POLR2F: variants seen among roughly 807,000 people sequenced by gnomAD.
POLR2F encodes DNA-directed RNA polymerases I, II, and III subunit RPABC2.
In POLR2F, 12 loss-of-function variants were observed where a neutral mutation model predicts 22.7. The ratio of observed to expected loss-of-function variants is 0.53; its 90% CI spans 0.34 to 0.86. POLR2F has a LOEUF of 0.86. Among genes scored for constraint, POLR2F ranks in the 40% least tolerant of loss-of-function variants. POLR2F has a pLI of 0.02. For missense variants in POLR2F, 126 were observed against 171.5 expected, an observed-to-expected ratio of 0.73 and a Z score of 1.48; for synonymous variants, 57 against 66.0, an observed-to-expected ratio of 0.86 and a Z score of 0.66.
At chr22:37,974,261 G>A, downstream of POLR2F, 3 of 1,284,962 alleles carry the variant, frequency 2.3e-6, no homozygotes, top group East Asian at 2.3e-5. The surrounding 1 kb of genome is among the most constrained non-coding windows in gnomAD (Gnocchi z 5.4). Flanking sequence ...GCAGGTGGGC[G>A]CACGTGAACT....
At chr22:38,022,144 AT>A (rs2084965189) in intron 1 of POLR2F, among the ~76,000 whole-genome samples, 2 of 142,422 alleles carry the variant, frequency 1.4e-5, no homozygotes, top group East Asian at 2.1e-4. Context: ...AAAAAAAAAA[AT>A]TCATTTGCCT....
chr22:37,963,406 C>T (rs550228907), intron 3 of POLR2F, among the ~76,000 whole-genome samples: 2 of 152,300 alleles, frequency 1.3e-5, no homozygotes, highest in African/African-American at 4.8e-5. Context: ...CTTCCCACTT[C>T]AGCCTCCCAG....
intron 2 of POLR2F, among the ~76,000 whole-genome samples, chr22:37,959,109 T>C (rs2145734083): frequency 6.6e-6 from 1 of 152,324 alleles, no homozygotes; most frequent in African/African-American, 2.4e-5. Flanking sequence ...TTACCAGGTC[T>C]GAGGCTTGGT....
At chr22:38,041,070 G>A in exon 6 of POLR2F, 1 of 1,612,956 alleles carries the variant, frequency 6.2e-7, no homozygotes. Flanking sequence ...TTTTCCAGGA[G>A]GCGGCGGCTC....
At chr22:37,994,557 C>T (rs372418325) in intron 1 of POLR2F, among the ~76,000 whole-genome samples, 6 of 152,020 alleles carry the variant, frequency 3.9e-5, no homozygotes, top group African/African-American at 1.5e-4. Context: ...CTCTCTCTGT[C>T]GCCCAGGCTG....
Position 37,974,347 on chromosome 22 carries a change from G to GA in POLR2F, c.293+7177_293+7178insA. The stretch of plus-strand genomic sequence containing the variant: ...TTCACATTTTGGCAGCATGAGTCGG[G>GA]TTTTTTTTTGTTTTTTTTTTTTGAG... On this transcript the variant is annotated intron_variant, in intron 4 of 4. Coordinates refer to the POLR2F transcript ENST00000405557. The surrounding 1 kb of genome is among the most constrained non-coding windows in gnomAD (Gnocchi z 5.4). 3.4e-6 allele frequency: 2 copies of GA among 583,926 alleles called. No homozygotes were observed. Among genetic ancestry groups the GA allele is most frequent in the South Asian group, 2.2e-5 (1 of 45,524 alleles). The allele number at this position is 583,926 out of a possible 1,614,324, so 36.2% of individuals were successfully genotyped here.
At chr22:37,961,216 T>G (rs1185973042) in intron 3 of POLR2F, among the ~76,000 whole-genome samples, 1 of 152,126 alleles carries the variant, frequency 6.6e-6, no homozygotes, top group African/African-American at 2.4e-5. Flanking sequence ...TATGTGCCAC[T>G]ATGCCTGGCT....
chr22:38,015,046 T>TCCACCCGCC (rs947957230), intron 1 of POLR2F, among the ~76,000 whole-genome samples: 18 of 152,144 alleles, frequency 1.2e-4, no homozygotes, highest in African/African-American at 3.9e-4. Flanking sequence ...GACCTTGAGA[T>TCCACCCGCC]CCACCCGCCT....
chr22:37,961,997 G>A (rs1931662199), intron 3 of POLR2F, among the ~76,000 whole-genome samples: 1 of 152,088 alleles, frequency 6.6e-6, no homozygotes, highest in South Asian at 2.1e-4. Flanking sequence ...TTGGGAGGAC[G>A]AGGCAGGTGG....
intron 2 of POLR2F, among the ~76,000 whole-genome samples, chr22:37,959,037 C>T (rs376164507): frequency 6.6e-6 from 1 of 152,090 alleles, no homozygotes; most frequent in East Asian, 1.9e-4. Context: ...GATACCACCC[C>T]ATCTCCAGGC....
intron 3 of POLR2F, among the ~76,000 whole-genome samples, chr22:37,963,126 A>G (rs1194911782): frequency 1.3e-5 from 2 of 151,688 alleles, no homozygotes; most frequent in African/African-American, 2.4e-5. Context: ...AGCTGGGATT[A>G]CAGGCACCCG....
rs3026656 is a variant in POLR2F at position 37,998,000 on chromosome 22, C to T, written c.120+11688C>T. 0.02 allele frequency among the ~76,000 whole-genome samples: 3,108 copies of T among 152,236 alleles called. 115 individuals are homozygous for T. The highest frequency in any genetic ancestry group is 0.071 in the African/African-American group (2,942 of 41,510). On this transcript the variant is annotated intron_variant, in intron 1 of 2. Transcript: ENST00000333418. The surrounding 1 kb of genome is among the most constrained non-coding windows in gnomAD (Gnocchi z 4.4). ...TCCCCTTCCGGTGAGAGCTTTCCAG[C>T]GCCCAGAGAGCCAAGACGGCTTGTG...
At position 38,034,027 on chromosome 22, in the gene POLR2F, G is replaced by A. The variant is rs577545877; in HGVS notation, c.453-7041G>A. The A allele has an allele frequency of 2.0e-3, 329 of 166,414 alleles. 1 individual carries two copies. The highest frequency in any genetic ancestry group is 4.3e-3 in the Admixed American group (66 of 15,308). The allele number at this position is 166,414 out of a possible 1,614,324, so 10.3% of individuals were successfully genotyped here. ...TCCCAGGGGTCAAGTGGCTGGGGCCGAACCCGGACAGGGCAGGAGTGCCCC... is the reference window on the plus strand; with the variant it reads ...TCCCAGGGGTCAAGTGGCTGGGGCCAAACCCGGACAGGGCAGGAGTGCCCC... On this transcript the variant is annotated intron_variant, in intron 5 of 5. Coordinates refer to the POLR2F transcript ENST00000407936.
intron 1 of POLR2F, chr22:38,025,673 C>A: frequency 6.4e-7 from 1 of 1,554,218 alleles, no homozygotes; most frequent in South Asian, 1.2e-5. Flanking sequence ...CTGACTTCTC[C>A]CGACAGTCCT....
At chr22:37,991,818 T>G (rs1730272378) in intron 1 of POLR2F, among the ~76,000 whole-genome samples, 1 of 152,228 alleles carries the variant, frequency 6.6e-6, no homozygotes, top group Non-Finnish European at 1.5e-5. Flanking sequence ...CAGTTCCCTG[T>G]GTTCCCATGC....
At chr22:38,009,495 C>T (rs1426448232) in intron 1 of POLR2F, among the ~76,000 whole-genome samples, 1 of 152,156 alleles carries the variant, frequency 6.6e-6, no homozygotes, top group Non-Finnish European at 1.5e-5. Context: ...TTTAAAATTA[C>T]GTTTTTGACA....
chr22:38,009,118 T>G (rs1447698280), intron 1 of POLR2F, among the ~76,000 whole-genome samples: 1 of 152,086 alleles, frequency 6.6e-6, no homozygotes, highest in African/African-American at 2.4e-5. Context: ...GCCGGAGCGT[T>G]CTGAGGACAG....
At chr22:37,953,667 A>C, upstream of POLR2F, 1 of 1,251,216 alleles carries the variant, frequency 8.0e-7, no homozygotes. Flanking sequence ...CCCGGAAGTG[A>C]TTTCCTCTGG....
intron 1 of POLR2F, among the ~76,000 whole-genome samples, chr22:38,015,728 A>G (rs980662940): frequency 6.6e-6 from 1 of 152,196 alleles, no homozygotes; most frequent in Non-Finnish European, 1.5e-5. Flanking sequence ...CATGATAGCA[A>G]CAACACCACC....
Sources: gnomAD v4.1 joint callset for allele counts (sites outside exome capture counted in the v4.1 genomes callset) on GRCh38, gnomAD v4.1.1 for gene constraint, Gnocchi (gnomAD v3.1) non-coding constraint, MANE v1.5 for transcripts, NCBI Gene and HGNC (gene_info 2026-07-23, HGNC 2026-07-21) for gene names.